FREM3: variants seen among roughly 807,000 people sequenced by gnomAD.
FREM3 encodes the protein FRAS1-related extracellular matrix protein 3.
A neutral mutation model predicts 129.1 loss-of-function variants in FREM3; 105 were observed. The observed-to-expected ratio is 0.81, with a 90% confidence interval of 0.69 to 0.96. The LOEUF (loss-of-function observed/expected upper bound fraction) is 0.96, where lower values mean the gene tolerates loss of function less well. Among genes scored for constraint, FREM3 ranks in the 40% least tolerant of loss-of-function variants. The pLI is 0.00. For synonymous variants in FREM3, 1,014 were observed against 1,044.9 expected, an observed-to-expected ratio of 0.97 and a Z score of 0.57; for missense variants, 2,593 against 2,666.3, an observed-to-expected ratio of 0.97 and a Z score of 0.61.
At position 143,676,654 on chromosome 4, in the gene FREM3, G is replaced by A. The variant is rs1016814766; in HGVS notation, c.5275+16459C>T. Among the ~76,000 whole-genome samples the A allele has an allele frequency of 7.2e-5, 11 of 152,180 alleles. No individual in the cohort carries two copies. In the South Asian group the frequency reaches 1.0e-3, roughly 14 times the overall value. ...ATATCTAGAAAACCCCATTGTCTCAGCCCAAAATCTCCTTAAGCTGATAAG... is the reference window on the plus strand; with the variant it reads ...ATATCTAGAAAACCCCATTGTCTCAACCCAAAATCTCCTTAAGCTGATAAG... On this transcript the variant is annotated intron_variant, in intron 2 of 7. Transcript: ENST00000329798.
intron 6 of FREM3, among the ~76,000 whole-genome samples, chr4:143,605,417 A>G (rs1738651896): frequency 6.6e-6 from 1 of 152,110 alleles, no homozygotes; most frequent in Non-Finnish European, 1.5e-5. Context: ...TCATCTTACT[A>G]ACTTTATTGT....
chr4:143,692,644 G>A (rs971803533), intron 2 of FREM3, among the ~76,000 whole-genome samples: 5 of 151,968 alleles, frequency 3.3e-5, no homozygotes, highest in Non-Finnish European at 7.4e-5. Context: ...CCTCTATGCC[G>A]GGAGAAATAT....
At chr4:143,588,542 C>A (rs932357710) in intron 6 of FREM3, among the ~76,000 whole-genome samples, 7 of 152,044 alleles carry the variant, frequency 4.6e-5, no homozygotes, top group Admixed American at 1.3e-4. Context: ...TGGTTTCCAG[C>A]TTCATCGATG....
intron 5 of FREM3, among the ~76,000 whole-genome samples, chr4:143,616,580 A>T (rs1446663353): frequency 1.3e-5 from 2 of 152,060 alleles, no homozygotes; most frequent in East Asian, 3.9e-4. Flanking sequence ...AGGTCAGGAG[A>T]TTGAGACCAT....
chr4:143,611,581 A>G, intron 5 of FREM3, 54 bp from the exon 6 acceptor site: 1 of 1,479,298 alleles, frequency 6.8e-7, no homozygotes, highest in Non-Finnish European at 9.1e-7. Context: ...AATTCCAAAC[A>G]AGAAGCCTGT....
intron 2 of FREM3, among the ~76,000 whole-genome samples, chr4:143,679,208 T>C (rs1175492214): frequency 6.6e-6 from 1 of 152,210 alleles, no homozygotes; most frequent in Non-Finnish European, 1.5e-5. Flanking sequence ...TGCAGGATTT[T>C]AGACTTAACA....
At chr4:143,686,757 T>C (rs1740373514) in intron 2 of FREM3, among the ~76,000 whole-genome samples, 3 of 152,096 alleles carry the variant, frequency 2.0e-5, no homozygotes, top group African/African-American at 7.2e-5. Context: ...AAGATGGAAA[T>C]TAAAAAATTC....
At chr4:143,602,824 T>TAG (rs1373963480) in intron 6 of FREM3, among the ~76,000 whole-genome samples, 1 of 152,174 alleles carries the variant, frequency 6.6e-6, no homozygotes, top group Admixed American at 6.5e-5. Flanking sequence ...GCATGAAACC[T>TAG]AGAGAAGAGC....
intron 5 of FREM3, among the ~76,000 whole-genome samples, chr4:143,619,164 C>T (rs1738905051): frequency 3.9e-5 from 6 of 152,110 alleles, no homozygotes; most frequent in Admixed American, 3.9e-4. Flanking sequence ...GCCAAAAGCT[C>T]CAACCTCAGA....
At chr4:143,604,780 A>C (rs1738639984) in intron 6 of FREM3, among the ~76,000 whole-genome samples, 1 of 152,202 alleles carries the variant, frequency 6.6e-6, no homozygotes, top group African/African-American at 2.4e-5. Context: ...TTTTAAGCTT[A>C]GCAATGTGCT....
Position 143,696,925 on chromosome 4 carries a change from G to A in FREM3, c.3751C>T (p.Pro1251Ser). Residue 1251 changes from proline (P) to serine (S), a missense_variant, in exon 1 of 8, where the codon CCC becomes TCC. Physicochemically the swap from Pro to Ser is moderately conservative, Grantham distance 74 (BLOSUM62 -1). Around this residue, in one of 2 missense-constraint regions of FREM3, gnomAD observed 2,276 missense variants for 2,267.2 expected, o/e 1.00. Transcript: ENST00000329798. Reference protein sequence around the residue: ...IIQQLATGSQPIHSFTLKEIQ... With the variant: ...IIQQLATGSQSIHSFTLKEIQ... ...TCCTTGAGGGTGAAGCTGTGGATGG[G>A]CTGGCTGCCTGTAGCCAGCTGCTGT... 2 of 1,537,466 alleles carry A rather than the reference G, an allele frequency of 1.3e-6. No individual in the cohort carries two copies. Among genetic ancestry groups the A allele is most frequent in the Non-Finnish European group, 1.7e-6 (2 of 1,146,970 alleles).
At chr4:143,661,916 C>A (rs1488730499) in intron 2 of FREM3, among the ~76,000 whole-genome samples, 1 of 152,072 alleles carries the variant, frequency 6.6e-6, no homozygotes, top group Non-Finnish European at 1.5e-5. Context: ...GTTTGTATTT[C>A]TGTGGGATCA....
chr4:143,686,292 A>G (rs2149860795), intron 2 of FREM3, among the ~76,000 whole-genome samples: 1 of 152,330 alleles, frequency 6.6e-6, no homozygotes, highest in East Asian at 1.9e-4. Context: ...TTTAACATAT[A>G]TGCACCTAAC....
At chr4:143,616,630 T>C (rs561809848) in intron 5 of FREM3, among the ~76,000 whole-genome samples, 1 of 151,474 alleles carries the variant, frequency 6.6e-6, no homozygotes. Context: ...ACTAAAAAAA[T>C]ACAAAAAAGA....
intron 2 of FREM3, among the ~76,000 whole-genome samples, chr4:143,682,746 G>A (rs755199411): frequency 1.1e-4 from 17 of 152,180 alleles, no homozygotes; most frequent in Non-Finnish European, 2.2e-4. Context: ...TGTTTACTAT[G>A]TGTCGGGCAC....
intron 6 of FREM3, among the ~76,000 whole-genome samples, chr4:143,591,740 T>C (rs1308928395): frequency 6.6e-6 from 1 of 152,224 alleles, no homozygotes; most frequent in East Asian, 1.9e-4. Flanking sequence ...GAGAGTTCTG[T>C]AGATGTCTAT....
At chr4:143,590,924 T>C (rs1350663629) in intron 6 of FREM3, among the ~76,000 whole-genome samples, 3 of 152,226 alleles carry the variant, frequency 2.0e-5, no homozygotes, top group Admixed American at 6.5e-5. Context: ...GATTCTGTTA[T>C]TGGTCTATTC....
intron 7 of FREM3, among the ~76,000 whole-genome samples, chr4:143,578,069 C>A (rs904260033): frequency 6.6e-6 from 1 of 152,234 alleles, no homozygotes; most frequent in Non-Finnish European, 1.5e-5. Context: ...CCATCCTCAC[C>A]AGGGCTTTAC....
chr4:143,644,476 G>A (rs1035475201), intron 2 of FREM3, among the ~76,000 whole-genome samples: 3 of 152,058 alleles, frequency 2.0e-5, no homozygotes, highest in African/African-American at 7.2e-5. Context: ...GTCAAACCTT[G>A]TAGATCCCTG....
Sources: gnomAD v4.1 joint callset for allele counts (sites outside exome capture counted in the v4.1 genomes callset) on GRCh38, gnomAD v4.1.1 for gene constraint, gnomAD v4.1.1 regional missense constraint, MANE v1.5 for transcripts, NCBI Gene and HGNC (gene_info 2026-07-23, HGNC 2026-07-21) for gene names.